The following GTF2F1 variants were observed in gnomAD, a reference collection of about 807,000 sequenced individuals.
GTF2F1 encodes the protein general transcription factor IIF subunit 1.
In GTF2F1, 39 loss-of-function variants were observed where a neutral mutation model predicts 63.5. The ratio of observed to expected loss-of-function variants is 0.61; its 90% CI spans 0.48 to 0.80. The LOEUF is 0.80. Among genes scored for constraint, GTF2F1 ranks in the 30% least tolerant of loss-of-function variants. The pLI, the probability that GTF2F1 is intolerant of heterozygous loss-of-function variation, is 0.00. For synonymous variants in GTF2F1, 287 were observed against 285.3 expected (o/e 1.01, Z -0.06); for missense variants, 657 against 718.3 (o/e 0.91, Z 0.97).
chr19:6,386,476 C>G (rs187177454), intron 5 of GTF2F1, among the ~76,000 whole-genome samples: 213 of 152,290 alleles, frequency 1.4e-3, no homozygotes, highest in African/African-American at 5.0e-3. Context: ...GACGGAGTCT[C>G]GCTCTGTCGC....
intron 2 of GTF2F1, chr19:6,392,234 C>T: frequency 1.9e-6 from 1 of 535,930 alleles, no homozygotes; most frequent in Non-Finnish European, 3.6e-6. Flanking sequence ...TGCCTGGCAA[C>T]ACTGGATACG....
chr19:6,384,907 C>A (rs562586170), intron 5 of GTF2F1, among the ~76,000 whole-genome samples: 48 of 151,880 alleles, frequency 3.2e-4, no homozygotes, highest in Admixed American at 1.4e-3. Flanking sequence ...CCTCAGCCTC[C>A]CGAGTAGCTG....
chr19:6,381,220 G>T lies in GTF2F1; in HGVS notation c.1019-25C>A, dbSNP rs943598007. The T allele has an allele frequency of 2.5e-6, 4 of 1,595,842 alleles. No individual in the cohort carries two copies. In the African/African-American group the frequency reaches 5.4e-5, roughly 21 times the overall value. Reference sequence around the variant, plus strand: ...TCTGCGGGGCACAGGAAAGGGGTCAGGGCCAGAGCAACCCCGGGACCCGGT... The same window carrying T: ...TCTGCGGGGCACAGGAAAGGGGTCATGGCCAGAGCAACCCCGGGACCCGGT... On this transcript the variant is annotated intron_variant, in intron 9 of 12. Transcript: ENST00000394456. The surrounding 1 kb of genome is among the most constrained non-coding windows in gnomAD (Gnocchi z 4.1).
Position 6,383,274 on chromosome 19 carries a change from C to T in GTF2F1, c.682+37G>A. 6.3e-7 allele frequency: 1 copy of T among 1,599,010 alleles called. No homozygotes were observed. On this transcript the variant is annotated intron_variant, in intron 6 of 12. Coordinates refer to ENST00000394456, the MANE Select transcript of GTF2F1 (RefSeq NM_002096.3). The surrounding 1 kb of genome is among the most constrained non-coding windows in gnomAD (Gnocchi z 4.5). Reference sequence around the variant, plus strand: ...CCTTCACTGGCACTGCCTGAGCAGGCACCTCTGTGACCTAATGCCCAGGCG... The same window carrying T: ...CCTTCACTGGCACTGCCTGAGCAGGTACCTCTGTGACCTAATGCCCAGGCG...
chr19:6,381,414 CTTG>C lies in GTF2F1; in HGVS notation c.960_962del (p.Asp320_Lys321delinsGlu). On this transcript the variant is annotated inframe_deletion, in exon 9 of 13. Coordinates refer to ENST00000394456, the MANE Select transcript of GTF2F1 (RefSeq NM_002096.3). The surrounding 1 kb of genome is among the most constrained non-coding windows in gnomAD (Gnocchi z 4.1). ...GTGCCTTCTTCTCCTCCTCCTCCTC[CTTG>C]TCCTCCTCAGGCGGCTTCTCCTCCT... The C allele has an allele frequency of 3.7e-6, 6 of 1,610,842 alleles. No individual in the cohort carries two copies. The highest frequency in any genetic ancestry group is 5.1e-6 in the Non-Finnish European group (6 of 1,179,580).
intron 6 of GTF2F1, among the ~76,000 whole-genome samples, chr19:6,382,245 C>G (rs537266103): frequency 1.3e-5 from 2 of 152,302 alleles, no homozygotes; most frequent in East Asian, 3.9e-4. Flanking sequence ...CATCCCAGCA[C>G]TTTGGCAGGC....
chr19:6,389,378 T>A (rs553174786), intron 4 of GTF2F1, 66 bp downstream of exon 4: 1 of 1,452,688 alleles, frequency 6.9e-7, no homozygotes, highest in East Asian at 2.3e-5. Context: ...CCACAAAGTA[T>A]GTAAGTTGAG....
rs1426025943 is a variant in GTF2F1, at chr19:6,384,572, G to C, written c.498-1077C>G. Among the ~76,000 whole-genome samples, 3 of 151,768 alleles carry C rather than the reference G, an allele frequency of 2.0e-5. No homozygotes were observed. The East Asian group carries it at 5.9e-4, about 30-fold the overall frequency. On this transcript the variant is annotated intron_variant, in intron 5 of 12. Coordinates refer to ENST00000394456, the MANE Select transcript of GTF2F1 (RefSeq NM_002096.3). ...TAACATGGGCAAGGCCCAGGCTGGT[G>C]TGAAAGATAATGAAACTGCTGCTTA...
chr19:6,389,504 T>C lies in GTF2F1; in HGVS notation c.266A>G (p.Lys89Arg). The C allele has an allele frequency of 1.2e-6, 2 of 1,614,240 alleles. No homozygotes were observed. Among genetic ancestry groups the C allele is most frequent in the Non-Finnish European group, 8.5e-7 (1 of 1,180,028 alleles). The change falls in exon 4 of 13, where the codon AAG becomes AGG. Residue 89 changes from lysine to arginine, a missense_variant. Physicochemically the swap from Lys to Arg is conservative, Grantham distance 26 (BLOSUM62 2). This residue lies in a region of GTF2F1 where 602 missense variants were observed against 625.6 expected (regional missense o/e 0.96). Transcript: ENST00000394456. ...ARRKKYGIVL[K>R]EFRPEDQPWL... ...GGGCTGGTCCTCGGGCCGGAACTCC[T>C]TGAGGACGATGCCGTACTTCTTCCT...
intron 3 of GTF2F1, 151 bp downstream of exon 3, chr19:6,391,751 C>G (rs1420302094): frequency 6.9e-6 from 4 of 582,100 alleles, no homozygotes; most frequent in Non-Finnish European, 1.2e-5. Context: ...CTGCACCCAA[C>G]CCTTTGTCAT....
In GTF2F1 at chr19:6,381,559, G is replaced by A. The variant is rs768383952; in HGVS notation, c.893C>T (p.Pro298Leu). 6.2e-7 allele frequency: 1 copy of A among 1,613,136 alleles called. No individual in the cohort carries two copies. Among genetic ancestry groups the A allele is most frequent in the South Asian group, 1.1e-5 (1 of 91,080 alleles). Residue 298 changes from proline to leucine, a missense_variant, in exon 8 of 13, where the codon CCC becomes CTC. Pro to Leu is a moderately conservative substitution (Grantham distance 98). Coordinates refer to ENST00000394456, the MANE Select transcript of GTF2F1 (RefSeq NM_002096.3). The surrounding 1 kb of genome is among the most constrained non-coding windows in gnomAD (Gnocchi z 4.1). ...CCCGCCCAGCCATCGCCTACCCTTG[G>A]GCCCCTCCTCCTGCTGCGGCGCCTT... ...KAKAPQQEEG[P>L]KGVDEQSDSS...
Position 6,381,179 on chromosome 19 carries a change from C to G in GTF2F1, c.1035G>C (p.Ser345=). 6.2e-7 allele frequency: 1 copy of G among 1,610,018 alleles called. No individual in the cohort carries two copies. The highest frequency in any genetic ancestry group is 8.5e-7 in the Non-Finnish European group (1 of 1,178,558). The change falls in exon 10 of 13, where the codon TCG becomes TCC. Residue 345 remains serine, a synonymous_variant. Coordinates refer to ENST00000394456, the MANE Select transcript of GTF2F1 (RefSeq NM_002096.3). The surrounding 1 kb of genome is among the most constrained non-coding windows in gnomAD (Gnocchi z 4.1). ...KKRRKDSSEE[S]DSSEESDIDS... Reference sequence around the variant, plus strand: ...CAATGTCGCTCTCCTCTGAGCTGTCCGACTCCTCGCTGCTGTCTGCGGGGC... The same window carrying G: ...CAATGTCGCTCTCCTCTGAGCTGTCGGACTCCTCGCTGCTGTCTGCGGGGC...
At chr19:6,387,348 T>A in intron 5 of GTF2F1, 41 bp downstream of exon 5, 2 of 1,592,954 alleles carry the variant, frequency 1.3e-6, no homozygotes, top group Non-Finnish European at 1.7e-6. Flanking sequence ...GGCACCCCAT[T>A]TCCCTCACTT....
At position 6,381,214 on chromosome 19, in the gene GTF2F1, G is replaced by T; in HGVS notation, c.1019-19C>A. The T allele has an allele frequency of 6.2e-7, 1 of 1,600,526 alleles. No homozygotes were observed. On this transcript the variant is annotated intron_variant, in intron 9 of 12. Transcript: ENST00000394456. This position sits in a 1 kb window ranked among gnomAD's most constrained non-coding sequence, Gnocchi z 4.1. ...CTGCTGTCTGCGGGGCACAGGAAAG[G>T]GGTCAGGGCCAGAGCAACCCCGGGA...
At position 6,380,737 on chromosome 19, in the gene GTF2F1, C is replaced by A. The variant is rs1248943536; in HGVS notation, c.1232-47G>T. The A allele has an allele frequency of 6.3e-7, 1 of 1,589,046 alleles. No homozygotes were observed. Among genetic ancestry groups the A allele is most frequent in the Admixed American group, 1.7e-5 (1 of 59,916 alleles). On this transcript the variant is annotated intron_variant, in intron 11 of 12. Transcript: ENST00000394456. This position sits in a 1 kb window ranked among gnomAD's most constrained non-coding sequence, Gnocchi z 5.3. ...TGAGTCTTGCAGGCAGGAGGCAGAA[C>A]CCCTGGGCAGGACCCCAGGCTGGGC...
intron 4 of GTF2F1, among the ~76,000 whole-genome samples, chr19:6,388,165 C>T (rs139672263): frequency 3.3e-5 from 5 of 151,518 alleles, no homozygotes; most frequent in Non-Finnish European, 7.4e-5. Flanking sequence ...CCTGACCCCA[C>T]GTAATCCGCC....
Position 6,380,167 on chromosome 19 carries a change from G to A in GTF2F1, c.*114C>T. 2.2e-6 allele frequency: 2 copies of A among 906,844 alleles called. No individual in the cohort carries two copies. The highest frequency in any genetic ancestry group is 1.7e-5 in the Admixed American group (1 of 57,678). 56.2% of individuals were successfully genotyped at this position (906,844 alleles called of 1,614,324 possible). On this transcript the variant is annotated 3_prime_UTR_variant, in exon 13 of 13. Coordinates refer to ENST00000394456, the MANE Select transcript of GTF2F1 (RefSeq NM_002096.3). The surrounding 1 kb of genome is among the most constrained non-coding windows in gnomAD (Gnocchi z 5.3). ...GCAGGATGTCGAAGGGTCACTGAGAGCCTGAAGTTCTGGAGGGCAGAGCCA... is the reference window on the plus strand; with the variant it reads ...GCAGGATGTCGAAGGGTCACTGAGAACCTGAAGTTCTGGAGGGCAGAGCCA...
rs999576252 is a variant in GTF2F1, at chr19:6,380,047, A to G, written c.*234T>C. On this transcript the variant is annotated 3_prime_UTR_variant, in exon 13 of 13. Coordinates refer to ENST00000394456, the MANE Select transcript of GTF2F1 (RefSeq NM_002096.3). This position sits in a 1 kb window ranked among gnomAD's most constrained non-coding sequence, Gnocchi z 5.3. ...GAGGAGGACAATAAGAAGGCCTAACAGGCATCTGAAGATTCCAGAAGGAAG... is the reference window on the plus strand; with the variant it reads ...GAGGAGGACAATAAGAAGGCCTAACGGGCATCTGAAGATTCCAGAAGGAAG... The G allele has an allele frequency of 2.2e-5, 13 of 588,858 alleles. No individual in the cohort carries two copies. Among genetic ancestry groups the G allele is most frequent in the Middle Eastern group, 4.5e-4 (1 of 2,236 alleles). 36.5% of individuals were successfully genotyped at this position (588,858 alleles called of 1,614,324 possible).
At chr19:6,389,414 A>C (rs769014031) in intron 4 of GTF2F1, 30 bp downstream of exon 4, 1 of 1,605,450 alleles carries the variant, frequency 6.2e-7, no homozygotes, top group Admixed American at 1.7e-5. Flanking sequence ...CTGGTCACTA[A>C]GCCGGCACCG....
Sources: gnomAD v4.1 joint callset for allele counts (sites outside exome capture counted in the v4.1 genomes callset) on GRCh38, gnomAD v4.1.1 for gene constraint, gnomAD v4.1.1 regional missense constraint, Gnocchi (gnomAD v3.1) non-coding constraint, MANE v1.5 for transcripts, NCBI Gene and HGNC (gene_info 2026-07-23, HGNC 2026-07-21) for gene names.